The following PLEKHG6 variants were observed in gnomAD, a reference collection of about 807,000 sequenced individuals.
PLEKHG6 encodes pleckstrin homology and RhoGEF domain containing G6, also known as pleckstrin homology domain-containing family G member 6.
Under a neutral mutation model 97.5 loss-of-function variants are expected in PLEKHG6, and 91 were observed. The observed-to-expected ratio is 0.93, with a 90% CI of 0.79 to 1.11. The LOEUF (loss-of-function observed/expected upper bound fraction) is 1.11. Ranked by LOEUF, PLEKHG6 falls within the 50% of genes most tolerant of loss-of-function variation. The pLI is 0.00. For missense variants in PLEKHG6, 1,044 were observed against 1,031.0 expected (o/e 1.01, Z -0.17); for synonymous variants, 466 against 425.5 (o/e 1.10, Z -1.17).
At chr12:6,322,251 G>A (rs550006497) in intron 13 of PLEKHG6, among the ~76,000 whole-genome samples, 2 of 152,352 alleles carry the variant, frequency 1.3e-5, no homozygotes, top group East Asian at 3.9e-4. Context: ...TCAGTGAGGT[G>A]GCTTTACTGT....
rs1947334981 is a variant in PLEKHG6, at chr12:6,313,240, TACGAGAG to T, written c.139-386_139-380del. On this transcript the variant is annotated intron_variant, in intron 2 of 15. Transcript: ENST00000684764. ...GAGGCTGGTCATAGACAAGGAGAGT[TACGAGAG>T]ACCAGAATGCTGTGTGCACCACGCC... 1.0e-5 allele frequency: 15 copies of T among 1,489,182 alleles called. No homozygotes were observed. The South Asian group carries it at 1.8e-4, about 18-fold the overall frequency. 92.2% of individuals were successfully genotyped at this position (1,489,182 alleles called of 1,614,324 possible). A position where few individuals can be genotyped will look rare whatever the true frequency, so the allele number is the denominator to read the frequency against.
chr12:6,318,257 G>C (rs1391080508), intron 10 of PLEKHG6, 44 bp from the exon 11 acceptor site: 2 of 1,612,418 alleles, frequency 1.2e-6, no homozygotes. Flanking sequence ...GGAAGTCCAG[G>C]CAGACTGCCG....
rs368449918 is a variant in PLEKHG6 at position 6,317,788 on chromosome 12, C to T, written c.1018-69C>T. ...GTGTCTGTGACAGTGTGGCGCTGTG[C>T]TGTGGCTGGCATTGGTTGGGAGGGG... On this transcript the variant is annotated intron_variant, in intron 9 of 15. Coordinates refer to ENST00000684764, the MANE Select transcript of PLEKHG6 (RefSeq NM_001384598.1). 4.3e-4 allele frequency: 662 copies of T among 1,549,586 alleles called. 4 individuals carry two copies. In the African/African-American group the frequency reaches 5.1e-3, roughly 12 times the overall value.
At position 6,315,588 on chromosome 12, in the gene PLEKHG6, C is replaced by T. The variant is rs1947427847; in HGVS notation, c.494C>T (p.Ala165Val). 1 of 1,587,268 alleles carries T rather than the reference C, an allele frequency of 6.3e-7. No homozygotes were observed. The highest frequency in any genetic ancestry group is 8.6e-7 in the Non-Finnish European group (1 of 1,158,344). ...CAGGAGCTCTGCCACCAACAGGAGGCCCTGTGGGAGCTCCTGACCACCGAG... is the reference window on the plus strand; with the variant it reads ...CAGGAGCTCTGCCACCAACAGGAGGTCCTGTGGGAGCTCCTGACCACCGAG... ...MSQELCHQQE[A>V]LWELLTTELI... is the part of the protein sequence containing the mutation. The change falls in exon 5 of 16, where the codon GCC (alanine) becomes GTC (valine). Residue 165 changes from alanine to valine, a missense_variant. Transcript: ENST00000684764. This position sits in a 1 kb window ranked among gnomAD's most constrained non-coding sequence, Gnocchi z 4.5.
chr12:6,326,119 A>G (rs1387976166), intron 13 of PLEKHG6, among the ~76,000 whole-genome samples: 2 of 152,022 alleles, frequency 1.3e-5, no homozygotes, highest in East Asian at 3.9e-4. Flanking sequence ...AGCCTGGCCA[A>G]GATGGTGAAA....
rs1947525869 is a variant in PLEKHG6 at position 6,317,683 on chromosome 12, C to A, written c.1004C>A (p.Ala335Asp). The part of the protein sequence containing the change: ...KRSPEARAQE[A>D]LNAMIEAVES... ...AGCCCCGAGGCACGAGCCCAAGAGG[C>A]CCTGAATGCCATGGTAGGTGCCCCA... The change falls in exon 9 of 16, where the codon GCC becomes GAC. Residue 335 changes from alanine to aspartate, a missense_variant. Transcript: ENST00000684764. The A allele has an allele frequency of 6.2e-7, 1 of 1,613,546 alleles. No individual in the cohort carries two copies. Among genetic ancestry groups the A allele is most frequent in the Non-Finnish European group, 8.5e-7 (1 of 1,179,970 alleles).
At chr12:6,317,722 T>C (rs1464497430) in intron 9 of PLEKHG6, 26 bp downstream of exon 9, 1 of 1,610,722 alleles carries the variant, frequency 6.2e-7, no homozygotes, top group Non-Finnish European at 8.5e-7. Flanking sequence ...GGGCTGGGAC[T>C]CTGGTGAATC....
In PLEKHG6 at chr12:6,326,552, C is replaced by G. The variant is rs1947863659; in HGVS notation, c.1649C>G (p.Ser550Cys). Reference sequence around the variant, plus strand: ...CCCTCCACGCCTTCCCTGGAGGGCTCTCAGAGCAGCGCAGAGGGGAGGTAA... The same window carrying G: ...CCCTCCACGCCTTCCCTGGAGGGCTGTCAGAGCAGCGCAGAGGGGAGGTAA... ...TRPSTPSLEG[S>C]QSSAEGRTPE... Residue 550 changes from serine to cysteine, a missense_variant, in exon 14 of 16, where the codon TCT (serine) becomes TGT (cysteine). Coordinates refer to ENST00000684764, the MANE Select transcript of PLEKHG6 (RefSeq NM_001384598.1). 2 of 1,564,958 alleles carry G rather than the reference C, an allele frequency of 1.3e-6. No homozygotes were observed.
At position 6,315,625 on chromosome 12, in the gene PLEKHG6, G is replaced by A. The variant is rs1947429169; in HGVS notation, c.531G>A (p.Val177=). The A allele has an allele frequency of 1.3e-6, 2 of 1,589,092 alleles. No homozygotes were observed. Among genetic ancestry groups the A allele is most frequent in the Non-Finnish European group, 1.7e-6 (2 of 1,159,604 alleles). ...TCCTGACCACCGAGCTGATCTACGTGAGAAAGCTCAAGATCATGACTGATG... is the reference window on the plus strand; with the variant it reads ...TCCTGACCACCGAGCTGATCTACGTAAGAAAGCTCAAGATCATGACTGATG... ...WELLTTELIY[V]RKLKIMTDLL... is the part of the protein sequence containing the mutation. Residue 177 remains valine (V), a synonymous_variant, in exon 5 of 16, where the codon GTG becomes GTA. Coordinates refer to ENST00000684764, the MANE Select transcript of PLEKHG6 (RefSeq NM_001384598.1). The surrounding 1 kb of genome is among the most constrained non-coding windows in gnomAD (Gnocchi z 4.5).
At chr12:6,318,267 G>A (rs766303124) in intron 10 of PLEKHG6, 34 bp from the exon 11 acceptor site, 16 of 1,612,934 alleles carry the variant, frequency 9.9e-6, no homozygotes, top group Admixed American at 3.3e-5. Flanking sequence ...GCAGACTGCC[G>A]AGCGCCCTGA....
chr12:6,318,033 T>TC (rs747358297), intron 10 of PLEKHG6, 39 bp downstream of exon 10: 89 of 1,551,446 alleles, frequency 5.7e-5, no homozygotes, highest in Non-Finnish European at 7.2e-5. Flanking sequence ...AAAAGCAAGG[T>TC]CCCAGGGATA....
Position 6,327,479 on chromosome 12 carries a change from T to TGGGGCCCCCCCCCCCC in PLEKHG6, c.1896_1897insGGGGCCCCCCCCCCCC (p.Pro633GlyfsTer42). On this transcript the variant is annotated frameshift_variant, in exon 15 of 16. Transcript: ENST00000684764. LOFTEE classifies it high-confidence loss of function. The stretch of plus-strand genomic sequence containing the variant: ...TGGAACTCCGGGACATCCCTCTGCG[T>TGGGGCCCCCCCCCCCC]CCCCACCCTCCCGACCCCCAAGCTC... 2.5e-6 allele frequency: 4 copies of TGGGGCCCCCCCCCCCC among 1,603,262 alleles called. No homozygotes were observed. The highest frequency in any genetic ancestry group is 3.4e-6 in the Non-Finnish European group (4 of 1,171,714).
chr12:6,312,862 A>C, intron 2 of PLEKHG6: 4 of 1,318,350 alleles, frequency 3.0e-6, no homozygotes, highest in Non-Finnish European at 2.9e-6. Context: ...GTCCTAACCA[A>C]GCAGAGGGGT....
Position 6,312,357 on chromosome 12 carries a change from C to T in PLEKHG6, c.131C>T (p.Pro44Leu), listed in dbSNP as rs766677857. 1 of 1,584,634 alleles carries T rather than the reference C, an allele frequency of 6.3e-7. No individual in the cohort carries two copies. The highest frequency in any genetic ancestry group is 8.6e-7 in the Non-Finnish European group (1 of 1,168,150). Residue 44 changes from proline to leucine, a missense_variant, in exon 2 of 16, where the codon CCT becomes CTT. Physicochemically the swap from Pro to Leu is moderately conservative, Grantham distance 98 (BLOSUM62 -3). Coordinates refer to ENST00000684764, the MANE Select transcript of PLEKHG6 (RefSeq NM_001384598.1). ...TAGRLYPRGYPVLDPSRRRLQ... is the reference protein window; with the variant it reads ...TAGRLYPRGYLVLDPSRRRLQ... ...GGCAGACTCTATCCCCGAGGATACC[C>T]TGTGCTGGTGAGTCCAGGCTGTGCC...
In PLEKHG6 at chr12:6,316,149, A is replaced by T; in HGVS notation, c.607-106A>T. ...CCCAGTGCCCAGTTCATCCTTCTTC[A>T]CCCCCGCCCCTGCTGTCCAAGCTTA... On this transcript the variant is annotated intron_variant, in intron 6 of 15. Coordinates refer to ENST00000684764, the MANE Select transcript of PLEKHG6 (RefSeq NM_001384598.1). The surrounding 1 kb of genome is among the most constrained non-coding windows in gnomAD (Gnocchi z 4.1). 8.6e-7 allele frequency: 1 copy of T among 1,163,306 alleles called. No homozygotes were observed. Among genetic ancestry groups the T allele is most frequent in the Non-Finnish European group, 1.2e-6 (1 of 842,150 alleles). The allele number at this position is 1,163,306 out of a possible 1,614,324, so 72.1% of individuals were successfully genotyped here.
chr12:6,323,663 C>T (rs1355040821), intron 13 of PLEKHG6, among the ~76,000 whole-genome samples: 3 of 152,170 alleles, frequency 2.0e-5, no homozygotes, highest in South Asian at 2.1e-4. Flanking sequence ...AGGAGGCAGC[C>T]GAGGCTAAGA....
At chr12:6,324,604 G>A (rs1259615658) in intron 13 of PLEKHG6, among the ~76,000 whole-genome samples, 1 of 152,110 alleles carries the variant, frequency 6.6e-6, no homozygotes, top group Non-Finnish European at 1.5e-5. Flanking sequence ...CCCGGCCCTG[G>A]CAGGTTTCCT....
chr12:6,324,131 G>A (rs763930717), intron 13 of PLEKHG6, among the ~76,000 whole-genome samples: 3 of 151,976 alleles, frequency 2.0e-5, no homozygotes, highest in Non-Finnish European at 4.4e-5. Context: ...TTCCTTTCCC[G>A]TCCCCTCTGC....
rs766677857 is a variant in PLEKHG6 at position 6,312,357 on chromosome 12, C to G, written c.131C>G (p.Pro44Arg). 6.3e-6 allele frequency: 10 copies of G among 1,584,636 alleles called. No individual in the cohort carries two copies. The highest frequency in any genetic ancestry group is 1.4e-5 in the African/African-American group (1 of 72,566). Residue 44 changes from proline (P) to arginine (R), a missense_variant, in exon 2 of 16, where the codon CCT (proline) becomes CGT (arginine). Physicochemically the swap from Pro to Arg is moderately radical, Grantham distance 103 (BLOSUM62 -2). Coordinates refer to ENST00000684764, the MANE Select transcript of PLEKHG6 (RefSeq NM_001384598.1). ...TAGRLYPRGY[P>R]VLDPSRRRLQ... Reference sequence around the variant, plus strand: ...GGCAGACTCTATCCCCGAGGATACCCTGTGCTGGTGAGTCCAGGCTGTGCC... The same window carrying G: ...GGCAGACTCTATCCCCGAGGATACCGTGTGCTGGTGAGTCCAGGCTGTGCC...
Sources: gnomAD v4.1 joint callset for allele counts (sites outside exome capture counted in the v4.1 genomes callset) on GRCh38, gnomAD v4.1.1 for gene constraint, Gnocchi (gnomAD v3.1) non-coding constraint, MANE v1.5 for transcripts, NCBI Gene and HGNC (gene_info 2026-07-23, HGNC 2026-07-21) for gene names.